TBP: variants seen among roughly 807,000 people sequenced by gnomAD.
TBP encodes TATA-box binding protein.
TBP carries 12 observed loss-of-function variants against 46.2 expected under a neutral mutation model. The ratio of observed to expected loss-of-function variants is 0.26; its 90% confidence interval spans 0.17 to 0.42. TBP has a LOEUF of 0.42. Among genes scored for constraint, TBP ranks in the 10% least tolerant of loss-of-function variants. The pLI, the probability that TBP is intolerant of heterozygous loss-of-function variation, is 1.00. For missense variants in TBP, 229 were observed against 403.1 expected, an observed-to-expected ratio of 0.57 and a Z score of 3.70; for synonymous variants, 157 against 148.3, an observed-to-expected ratio of 1.06 and a Z score of -0.42.
chr6:170,555,628 A>G (rs1779008098), intron 1 of TBP, among the ~76,000 whole-genome samples: 1 of 152,074 alleles, frequency 6.6e-6, no homozygotes, highest in Non-Finnish European at 1.5e-5. Context: ...GCTTTGTGAA[A>G]ACACTGCGCT....
At chr6:170,569,927 T>A in intron 6 of TBP, 148 bp downstream of exon 6, 1 of 784,708 alleles carries the variant, frequency 1.3e-6, no homozygotes, top group Non-Finnish European at 1.9e-6. Context: ...GTCTTCCTGA[T>A]GTTCTCAGTC....
At chr6:170,564,850 G>C (rs1335014646) in intron 4 of TBP, among the ~76,000 whole-genome samples, 1 of 147,366 alleles carries the variant, frequency 6.8e-6, no homozygotes, top group Non-Finnish European at 1.5e-5. Context: ...GCAAGACCCT[G>C]TCTCTTAAAA....
At chr6:170,564,975 A>G (rs1562360911) in intron 4 of TBP, among the ~76,000 whole-genome samples, 1 of 152,114 alleles carries the variant, frequency 6.6e-6, no homozygotes, top group South Asian at 2.1e-4. Flanking sequence ...TGGCCAACAT[A>G]GTGAAACCCC....
At chr6:170,560,884 A>G (rs1279987391) in intron 2 of TBP, among the ~76,000 whole-genome samples, 2 of 152,220 alleles carry the variant, frequency 1.3e-5, no homozygotes, top group African/African-American at 4.8e-5. Context: ...TGACTTTAGA[A>G]TATTACATAA....
In TBP at chr6:170,559,421, A is replaced by G. The variant is rs547205286; in HGVS notation, c.54+2338A>G. Among the ~76,000 whole-genome samples the G allele has an allele frequency of 2.0e-5, 3 of 152,340 alleles. No individual in the cohort carries two copies. In the South Asian group the frequency reaches 6.2e-4, roughly 32 times the overall value. ...TGCTACTCCAGTAAACCCACAAGTG[A>G]TAAGAAAGCAAAACAGCCTTATTGC... is the stretch of plus-strand genomic sequence containing the variant. On this transcript the variant is annotated intron_variant, in intron 2 of 7. Coordinates refer to ENST00000392092, the MANE Select transcript of TBP (RefSeq NM_003194.5).
At position 170,561,805 on chromosome 6, in the gene TBP, C is replaced by T. The variant is rs777182875; in HGVS notation, c.69C>T (p.Pro23=). Residue 23 remains proline (P), a synonymous_variant, in exon 3 of 8, where the codon CCC becomes CCT. Transcript: ENST00000392092. ...GCTTTCCACAGGGTGCCATGACTCC[C>T]GGAATCCCTATCTTTAGTCCAATGA... ...GLASPQGAMT[P]GIPIFSPMMP... 171 of 1,609,012 alleles carry T rather than the reference C, an allele frequency of 1.1e-4. 2 individuals carry two copies. The East Asian group carries it at 3.5e-3, about 33-fold the overall frequency.
intron 4 of TBP, among the ~76,000 whole-genome samples, chr6:170,565,671 A>G (rs16901474): frequency 0.025 from 3,799 of 152,322 alleles, 160 homozygotes; most frequent in African/African-American, 0.086. Flanking sequence ...AATTCTGGAA[A>G]TTCAAAATAG....
In TBP at chr6:170,561,785, C is replaced by T. The variant is rs754760599; in HGVS notation, c.55-6C>T. ...CCTAACCTGTTTTTCTCCTTGCTTTCCACAGGGTGCCATGACTCCCGGAAT... is the reference window on the plus strand; with the variant it reads ...CCTAACCTGTTTTTCTCCTTGCTTTTCACAGGGTGCCATGACTCCCGGAAT... On this transcript the variant is annotated splice_region_variant and splice_polypyrimidine_tract_variant and intron_variant, in intron 2 of 7. Transcript: ENST00000392092. The T allele has an allele frequency of 8.1e-6, 13 of 1,605,440 alleles. No homozygotes were observed. In the African/African-American group the frequency reaches 1.2e-4, roughly 15 times the overall value.
rs768479093 is a variant in TBP at position 170,562,078 on chromosome 6, C to T, written c.342C>T (p.Thr114=). Residue 114 remains threonine (T), a synonymous_variant, in exon 3 of 8, where the codon ACC becomes ACT. Transcript: ENST00000392092. Reference sequence around the variant, plus strand: ...CGTCCCAGCAGGCAACACAGGGAACCTCAGGCCAGGCACCACAGCTCTTCC... The same window carrying T: ...CGTCCCAGCAGGCAACACAGGGAACTTCAGGCCAGGCACCACAGCTCTTCC... ...QSTSQQATQG[T]SGQAPQLFHS... 4.3e-6 allele frequency: 7 copies of T among 1,614,108 alleles called. No individual in the cohort carries two copies. In the South Asian group the frequency reaches 5.5e-5, roughly 13 times the overall value.
intron 5 of TBP, among the ~76,000 whole-genome samples, chr6:170,567,909 T>A (rs73258604): frequency 0.011 from 1,603 of 152,342 alleles, 29 homozygotes; most frequent in African/African-American, 0.037. Context: ...ATTAGTGACA[T>A]TAGCTTCATA....
chr6:170,558,697 ATT>A (rs149989324), intron 2 of TBP, among the ~76,000 whole-genome samples: 1 of 122,200 alleles, frequency 8.2e-6, no homozygotes, highest in African/African-American at 3.0e-5. Flanking sequence ...TTTTTTTTGT[ATT>A]TTTTTTTTAA....
intron 1 of TBP, among the ~76,000 whole-genome samples, chr6:170,554,857 A>G (rs1057305155): frequency 2.0e-5 from 3 of 152,156 alleles, no homozygotes; most frequent in Non-Finnish European, 4.4e-5. Flanking sequence ...TGCTGCCAAC[A>G]TTGAGACTTA....
At position 170,569,621 on chromosome 6, in the gene TBP, G is replaced by A. The variant is rs147637810; in HGVS notation, c.687G>A (p.Gln229=). The change falls in exon 6 of 8, where the codon CAG becomes CAA. Residue 229 remains glutamine, a synonymous_variant. Coordinates refer to ENST00000392092, the MANE Select transcript of TBP (RefSeq NM_003194.5). ...MVCTGAKSEE[Q]SRLAARKYAR... ...TTTTTCCTTTCCCTAGTGAAGAACA[G>A]TCCAGACTGGCAGCAAGAAAATATG... 211 of 1,613,970 alleles carry A rather than the reference G, an allele frequency of 1.3e-4. 1 individual carries two copies. The African/African-American group carries it at 2.5e-3, about 19-fold the overall frequency.
At chr6:170,554,662 T>C (rs559419350) in intron 1 of TBP, 199 bp downstream of exon 1, 1 of 152,664 alleles carries the variant, frequency 6.6e-6, no homozygotes, top group South Asian at 2.1e-4. Flanking sequence ...TACTCTGCTG[T>C]GTTTCGCAGG....
chr6:170,554,818 G>A (rs17860797), intron 1 of TBP: 11,616 of 152,376 alleles, frequency 0.076, 584 homozygotes, highest in Non-Finnish European at 0.1. Flanking sequence ...GTTAGAAGCA[G>A]ATTCACCCAG....
At chr6:170,565,455 T>A (rs1177974725) in intron 4 of TBP, among the ~76,000 whole-genome samples, 1 of 152,196 alleles carries the variant, frequency 6.6e-6, no homozygotes, top group Admixed American at 6.5e-5. Flanking sequence ...TTAGGGTGCA[T>A]TTTAAAATCC....
At chr6:170,560,211 A>C (rs1465253480) in intron 2 of TBP, among the ~76,000 whole-genome samples, 1 of 152,212 alleles carries the variant, frequency 6.6e-6, no homozygotes, top group African/African-American at 2.4e-5. Context: ...ACTATTTAAG[A>C]AATACAGCAG....
chr6:170,571,499 T>TC lies in TBP; in HGVS notation c.935_936insC (p.Leu312PhefsTer5). ...ATTTTTGTTTCTGGAAAAGTTGTAT[T>TC]AACAGGTAAGTTGTAACAGGAAGTA... On this transcript the variant is annotated frameshift_variant, in exon 7 of 8. Coordinates refer to ENST00000392092, the MANE Select transcript of TBP (RefSeq NM_003194.5). LOFTEE classifies it high-confidence loss of function. 1 of 1,608,070 alleles carries TC rather than the reference T, an allele frequency of 6.2e-7. No homozygotes were observed. The highest frequency in any genetic ancestry group is 8.5e-7 in the Non-Finnish European group (1 of 1,174,568).
Position 170,569,309 on chromosome 6 carries a change from A to G in TBP, c.678-303A>G, listed in dbSNP as rs1208285653. ...TTAGTTTTCCTCTCAGTAGAAATGC[A>G]TGGGCTAAAATACAGAAATAGTGAT... On this transcript the variant is annotated intron_variant, in intron 5 of 7. Transcript: ENST00000392092. Among the ~76,000 whole-genome samples the G allele has an allele frequency of 2.6e-5, 4 of 152,228 alleles. No homozygotes were observed. The East Asian group carries it at 5.8e-4, about 22-fold the overall frequency.
Sources: gnomAD v4.1 joint callset for allele counts (sites outside exome capture counted in the v4.1 genomes callset) on GRCh38, gnomAD v4.1.1 for gene constraint, MANE v1.5 for transcripts, NCBI Gene and HGNC (gene_info 2026-07-23, HGNC 2026-07-21) for gene names.